The following CMIP variants were observed in gnomAD, a reference collection of about 807,000 sequenced individuals.
CMIP encodes c-Maf inducing protein.
In CMIP, 13 loss-of-function variants were observed where a neutral mutation model predicts 97.3. That is an observed-to-expected ratio of 0.13 (90% CI 0.09 to 0.21). CMIP has a LOEUF of 0.21. Ranked by LOEUF, CMIP falls within the 10% of genes least tolerant of loss-of-function variation. The pLI is 1.00. For synonymous variants in CMIP, 538 were observed against 436.3 expected, an observed-to-expected ratio of 1.23 and a Z score of -2.91; for missense variants, 847 against 1,024.9, an observed-to-expected ratio of 0.83 and a Z score of 2.37.
chr16:81,703,935 G>T lies in CMIP; in HGVS notation c.1945-4G>T, dbSNP rs375809029. 2.5e-5 allele frequency: 39 copies of T among 1,591,446 alleles called. No homozygotes were observed. Among genetic ancestry groups the T allele is most frequent in the African/African-American group, 4.0e-5 (3 of 74,232 alleles). ...CCTCAGGCCTCTCCCCCGTCTGCCCGCAGGACGCTGACTTGGCTCGTTTGC... is the reference window on the plus strand; with the variant it reads ...CCTCAGGCCTCTCCCCCGTCTGCCCTCAGGACGCTGACTTGGCTCGTTTGC... On this transcript the variant is annotated splice_polypyrimidine_tract_variant and splice_region_variant and intron_variant, in intron 17 of 20. Coordinates refer to ENST00000537098, the MANE Select transcript of CMIP (RefSeq NM_198390.3).
At chr16:81,580,259 G>C (rs963113217) in intron 1 of CMIP, among the ~76,000 whole-genome samples, 2 of 152,188 alleles carry the variant, frequency 1.3e-5, no homozygotes, top group Admixed American at 6.5e-5. Context: ...ACAAGAATCA[G>C]AGAAGCGAGG....
At chr16:81,567,092 A>C (rs1597096525) in intron 1 of CMIP, among the ~76,000 whole-genome samples, 1 of 152,152 alleles carries the variant, frequency 6.6e-6, no homozygotes, top group African/African-American at 2.4e-5. Flanking sequence ...GACTTCTCGT[A>C]CCTCCTGCAC....
At chr16:81,610,755 C>T (rs1389460110) in intron 2 of CMIP, among the ~76,000 whole-genome samples, 2 of 152,136 alleles carry the variant, frequency 1.3e-5, no homozygotes, top group Admixed American at 1.3e-4. Flanking sequence ...GCGGGGTGCA[C>T]TTGGCCCCTG....
intron 4 of CMIP, among the ~76,000 whole-genome samples, chr16:81,653,265 C>T (rs1013387396): frequency 2.0e-5 from 3 of 152,188 alleles, no homozygotes; most frequent in African/African-American, 4.8e-5. Context: ...GAGTCTCCCC[C>T]GTCAAGCTCC....
At chr16:81,563,370 A>C (rs1443800911) in intron 1 of CMIP, among the ~76,000 whole-genome samples, 1 of 152,234 alleles carries the variant, frequency 6.6e-6, no homozygotes, top group Non-Finnish European at 1.5e-5. Context: ...CAGGCAAGTC[A>C]CAAACTCTGC....
At chr16:81,561,713 G>A (rs1404255736) in intron 1 of CMIP, among the ~76,000 whole-genome samples, 1 of 152,238 alleles carries the variant, frequency 6.6e-6, no homozygotes, top group African/African-American at 2.4e-5. Flanking sequence ...TCCCTCAGCT[G>A]CTGTATGGAC....
intron 3 of CMIP, among the ~76,000 whole-genome samples, chr16:81,639,232 T>G (rs2150985726): frequency 6.6e-6 from 1 of 152,352 alleles, no homozygotes; most frequent in South Asian, 2.1e-4. Flanking sequence ...TGCACCACAT[T>G]CAGATCACCT....
chr16:81,651,416 G>T (rs117821579), intron 3 of CMIP: 2 of 980,608 alleles, frequency 2.0e-6, no homozygotes, highest in South Asian at 4.7e-5. Flanking sequence ...TCGACACAGC[G>T]CCCAAGCAAA....
At chr16:81,485,762 G>A (rs1397619123) in intron 1 of CMIP, among the ~76,000 whole-genome samples, 1 of 152,232 alleles carries the variant, frequency 6.6e-6, no homozygotes, top group Non-Finnish European at 1.5e-5. Context: ...GAACAACCTG[G>A]TGAAATAGGT....
At chr16:81,648,370 AC>A (rs1329091428) in intron 3 of CMIP, among the ~76,000 whole-genome samples, 1 of 151,718 alleles carries the variant, frequency 6.6e-6, no homozygotes, top group Non-Finnish European at 1.5e-5. Context: ...GCAGCTGGCC[AC>A]CCCCTCAGCA....
Position 81,563,783 on chromosome 16 carries a change from A to G in CMIP, c.301-43784A>G, listed in dbSNP as rs1006234346. 1.1e-4 allele frequency among the ~76,000 whole-genome samples: 16 copies of G among 152,182 alleles called. No individual in the cohort carries two copies. The East Asian group carries it at 1.3e-3, about 13-fold the overall frequency. ...CAGAGGTGCCCTGGGAGACAGATCA[A>G]TGTCTAGAAAAGCTTCTGCCTTTTA... On this transcript the variant is annotated intron_variant, in intron 1 of 20. Coordinates refer to ENST00000537098, the MANE Select transcript of CMIP (RefSeq NM_198390.3).
intron 5 of CMIP, among the ~76,000 whole-genome samples, chr16:81,660,050 C>G (rs1227299029): frequency 6.6e-6 from 1 of 152,028 alleles, no homozygotes; most frequent in African/African-American, 2.4e-5. Context: ...TTTATTCATT[C>G]CATTGGCCAG....
chr16:81,573,283 G>T (rs569097465), intron 1 of CMIP, among the ~76,000 whole-genome samples: 42 of 152,032 alleles, frequency 2.8e-4, no homozygotes, highest in African/African-American at 9.9e-4. Context: ...GGTGGAGGTT[G>T]CAGTGAGCCG....
At chr16:81,523,348 C>G (rs1360346490) in intron 1 of CMIP, among the ~76,000 whole-genome samples, 1 of 152,222 alleles carries the variant, frequency 6.6e-6, no homozygotes, top group Non-Finnish European at 1.5e-5. Flanking sequence ...TGTGGAGTCA[C>G]TCCCTGTTTG....
intron 1 of CMIP, among the ~76,000 whole-genome samples, chr16:81,483,661 A>G (rs910516592): frequency 6.6e-6 from 1 of 151,762 alleles, no homozygotes; most frequent in Admixed American, 6.6e-5. Flanking sequence ...GATTGGGCCC[A>G]TTGAGGCCTG....
intron 3 of CMIP, among the ~76,000 whole-genome samples, chr16:81,640,719 G>A (rs962554681): frequency 5.6e-5 from 8 of 142,694 alleles, no homozygotes; most frequent in Admixed American, 1.4e-4. Flanking sequence ...GCCTCCATAC[G>A]TGGAGGTCTC....
chr16:81,699,773 C>T lies in CMIP; in HGVS notation c.1727C>T (p.Ala576Val). ...AAGCTGGGTCCCTGCATGCTCCTGG[C>T]ACTGAGGGGGAACCAGACCATGGTG... ...ENKLGPCMLL[A>V]LRGNQTMVEI... The change falls in exon 15 of 21, where the codon GCA (alanine) becomes GTA (valine). Residue 576 changes from alanine (A) to valine (V), a missense_variant. Coordinates refer to ENST00000537098, the MANE Select transcript of CMIP (RefSeq NM_198390.3). 6.2e-7 allele frequency: 1 copy of T among 1,613,098 alleles called. No homozygotes were observed. The highest frequency in any genetic ancestry group is 8.5e-7 in the Non-Finnish European group (1 of 1,179,336).
At chr16:81,626,786 AGAGTGTGTGTGTGTGT>A (rs1175956174) in intron 3 of CMIP, among the ~76,000 whole-genome samples, 3 of 102,508 alleles carry the variant, frequency 2.9e-5, no homozygotes, top group Admixed American at 2.1e-4. Context: ...AGAGAGAGAG[AGAGTGTGTGTGTGTGT>A]GTGTGTGTGT....
At chr16:81,533,385 C>T (rs540601936) in intron 1 of CMIP, among the ~76,000 whole-genome samples, 2 of 152,294 alleles carry the variant, frequency 1.3e-5, no homozygotes, top group East Asian at 3.9e-4. Flanking sequence ...TAAAGTTTGC[C>T]TGTTAAGTAC....
Sources: allele counts gnomAD v4.1 joint callset (sites outside exome capture counted in the v4.1 genomes callset), GRCh38; gene constraint gnomAD v4.1.1; transcripts MANE v1.5; gene names NCBI Gene and HGNC (gene_info 2026-07-23, HGNC 2026-07-21).